PPM1E: variants seen among roughly 807,000 people sequenced by gnomAD.
PPM1E encodes protein phosphatase 1E.
In PPM1E, 20 loss-of-function variants were observed where a neutral mutation model predicts 65.9. That is an observed-to-expected ratio of 0.30 (90% CI 0.21 to 0.44). The LOEUF (loss-of-function observed/expected upper bound fraction) is 0.44, where lower values mean the gene tolerates loss of function less well. Among genes scored for constraint, PPM1E ranks in the 20% least tolerant of loss-of-function variants. PPM1E has a pLI of 1.00. For missense variants in PPM1E, 713 were observed against 953.1 expected (o/e 0.75, Z 3.32); for synonymous variants, 352 against 374.9 (o/e 0.94, Z 0.70).
intron 1 of PPM1E, among the ~76,000 whole-genome samples, chr17:58,923,604 G>A (rs1057362467): frequency 4.0e-5 from 6 of 151,834 alleles, no homozygotes; most frequent in African/African-American, 1.5e-4. Context: ...AATTAGCCAG[G>A]TGTGGTGGCA....
intron 1 of PPM1E, among the ~76,000 whole-genome samples, chr17:58,867,252 A>G (rs1213004557): frequency 6.6e-6 from 1 of 152,248 alleles, no homozygotes; most frequent in Non-Finnish European, 1.5e-5. Flanking sequence ...TGCTGGGATT[A>G]CAGGCATGAG....
intron 1 of PPM1E, among the ~76,000 whole-genome samples, chr17:58,893,105 G>T (rs2051368506): frequency 6.6e-6 from 1 of 152,106 alleles, no homozygotes; most frequent in Non-Finnish European, 1.5e-5. Context: ...ATATTCATTG[G>T]TTTTTACCCA....
At chr17:58,832,898 C>T (rs1166544281) in intron 1 of PPM1E, among the ~76,000 whole-genome samples, 2 of 152,086 alleles carry the variant, frequency 1.3e-5, no homozygotes, top group African/African-American at 4.8e-5. Flanking sequence ...ACTGCACCCT[C>T]GCCTCCTGGG....
At chr17:58,882,768 A>G (rs1457967597) in intron 1 of PPM1E, among the ~76,000 whole-genome samples, 1 of 151,940 alleles carries the variant, frequency 6.6e-6, no homozygotes, top group Non-Finnish European at 1.5e-5. Flanking sequence ...ACCACTTCAT[A>G]ATGTTCCACA....
chr17:58,904,512 T>G (rs1247409068), intron 1 of PPM1E, among the ~76,000 whole-genome samples: 4 of 152,218 alleles, frequency 2.6e-5, no homozygotes, highest in African/African-American at 7.2e-5. Flanking sequence ...TTGTCTTAAA[T>G]TATCTGCTTA....
intron 1 of PPM1E, among the ~76,000 whole-genome samples, chr17:58,928,035 G>A (rs2051846289): frequency 6.6e-6 from 1 of 151,704 alleles, no homozygotes. Flanking sequence ...ACTCCAGCCT[G>A]GGCAACAGAG....
intron 1 of PPM1E, among the ~76,000 whole-genome samples, chr17:58,875,282 G>C (rs2051116167): frequency 6.6e-6 from 1 of 152,130 alleles, no homozygotes; most frequent in Non-Finnish European, 1.5e-5. Context: ...TCTCAAGGAA[G>C]GAAGAAGGAG....
At chr17:58,761,942 G>A (rs780556387) in intron 1 of PPM1E, among the ~76,000 whole-genome samples, 5 of 152,298 alleles carry the variant, frequency 3.3e-5, no homozygotes, top group South Asian at 2.1e-4. Context: ...GAAATTAAGT[G>A]CTATAAATAT....
At chr17:58,882,024 AGCCGGGCTTGGTG>A (rs2051201209) in intron 1 of PPM1E, among the ~76,000 whole-genome samples, 1 of 143,514 alleles carries the variant, frequency 7.0e-6, no homozygotes, top group South Asian at 2.2e-4. Flanking sequence ...AAAAAAAATT[AGCCGGGCTTGGTG>A]GCCTGTGCCT....
intron 1 of PPM1E, among the ~76,000 whole-genome samples, chr17:58,870,350 T>C (rs1440671485): frequency 6.6e-6 from 1 of 152,232 alleles, no homozygotes; most frequent in Non-Finnish European, 1.5e-5. Flanking sequence ...AGCCAGCTTT[T>C]ATTTTGGATT....
At chr17:58,906,674 A>G (rs192720690) in intron 1 of PPM1E, among the ~76,000 whole-genome samples, 65 of 152,136 alleles carry the variant, frequency 4.3e-4, no homozygotes, top group African/African-American at 1.4e-3. Flanking sequence ...TTATGGGTAC[A>G]TAGTAGGTAT....
intron 1 of PPM1E, among the ~76,000 whole-genome samples, chr17:58,850,896 C>G (rs950797432): frequency 6.6e-6 from 1 of 152,092 alleles, no homozygotes; most frequent in Non-Finnish European, 1.5e-5. Context: ...CCATTCTCCC[C>G]GTCACTTTCA....
intron 1 of PPM1E, among the ~76,000 whole-genome samples, chr17:58,768,228 A>T (rs1176555595): frequency 6.6e-6 from 1 of 152,128 alleles, no homozygotes; most frequent in East Asian, 1.9e-4. Flanking sequence ...CTAGGACTAC[A>T]GGCATGAGCC....
At chr17:58,883,515 G>C (rs369844352) in intron 1 of PPM1E, among the ~76,000 whole-genome samples, 2 of 127,244 alleles carry the variant, frequency 1.6e-5, no homozygotes, top group African/African-American at 3.0e-5. Context: ...ACGGAGTCTC[G>C]CTCTGTCGCC....
chr17:58,829,104 G>A (rs1021725443), intron 1 of PPM1E, among the ~76,000 whole-genome samples: 4 of 151,612 alleles, frequency 2.6e-5, no homozygotes, highest in Admixed American at 6.6e-5. Context: ...GTGCAATGGC[G>A]CAATCTCAGC....
intron 1 of PPM1E, chr17:58,951,363 G>A (rs569620544): frequency 1.3e-5 from 2 of 152,304 alleles, no homozygotes; most frequent in South Asian, 2.1e-4. Flanking sequence ...CTTAGGGAGG[G>A]ATGAACCAGC....
At chr17:58,835,325 A>G (rs1455606588) in intron 1 of PPM1E, among the ~76,000 whole-genome samples, 1 of 152,218 alleles carries the variant, frequency 6.6e-6, no homozygotes, top group Non-Finnish European at 1.5e-5. Context: ...AGCCTCGGTG[A>G]CAGAGCAAGA....
chr17:58,925,040 G>T (rs868353897), intron 1 of PPM1E, among the ~76,000 whole-genome samples: 9 of 152,062 alleles, frequency 5.9e-5, no homozygotes, highest in African/African-American at 1.7e-4. Context: ...ATAAACATAT[G>T]TGTGCATGTG....
chr17:58,856,440 G>A (rs1484511381), intron 1 of PPM1E, among the ~76,000 whole-genome samples: 1 of 152,022 alleles, frequency 6.6e-6, no homozygotes, highest in Non-Finnish European at 1.5e-5. Flanking sequence ...ATTTCTCCAT[G>A]TTGGTCAGGC....
Sources: allele counts gnomAD v4.1 joint callset (sites outside exome capture counted in the v4.1 genomes callset), GRCh38; gene constraint gnomAD v4.1.1; transcripts MANE v1.5; gene names NCBI Gene and HGNC (gene_info 2026-07-23, HGNC 2026-07-21).